ADCY10: variants seen among roughly 807,000 people sequenced by gnomAD.
The protein encoded by ADCY10 is adenylate cyclase 10, also known as adenylate cyclase type 10.
ADCY10 carries 156 observed loss-of-function variants against 183.3 expected under a neutral mutation model. The observed-to-expected ratio is 0.85, with a 90% CI of 0.75 to 0.97. The LOEUF (loss-of-function observed/expected upper bound fraction) is 0.97. Ranked by LOEUF, ADCY10 falls within the 50% of genes least tolerant of loss-of-function variation. The pLI, the probability that ADCY10 is intolerant of heterozygous loss-of-function variation, is 0.00. For synonymous variants in ADCY10, 645 were observed against 670.0 expected (o/e 0.96, Z 0.58); for missense variants, 1,745 against 1,934.3 (o/e 0.90, Z 1.84).
intron 32 of ADCY10, among the ~76,000 whole-genome samples, 155 bp from the exon 33 acceptor site, chr1:167,809,994 C>T (rs1662104071): frequency 1.3e-5 from 2 of 152,238 alleles, no homozygotes; most frequent in Admixed American, 1.3e-4. Context: ...AGGATACTGA[C>T]ACAGCCCTCT....
intron 16 of ADCY10, among the ~76,000 whole-genome samples, 174 bp downstream of exon 16, chr1:167,859,633 A>T (rs1666150380): frequency 2.6e-5 from 4 of 152,210 alleles, no homozygotes; most frequent in African/African-American, 9.7e-5. Context: ...AATTCTAAAC[A>T]GACCTTTTGC....
intron 1 of ADCY10, among the ~76,000 whole-genome samples, chr1:167,910,809 C>T (rs887883794): frequency 2.6e-5 from 4 of 152,172 alleles, no homozygotes; most frequent in African/African-American, 7.2e-5. Flanking sequence ...CTCCTGCCCC[C>T]AGTTCACTGG....
chr1:167,816,500 C>G (rs1662536819), intron 31 of ADCY10, among the ~76,000 whole-genome samples: 1 of 152,028 alleles, frequency 6.6e-6, no homozygotes, highest in South Asian at 2.1e-4. Flanking sequence ...GAGTCAAGAT[C>G]ACGCCACTGC....
At chr1:167,871,882 T>C (rs150230209) in intron 13 of ADCY10, among the ~76,000 whole-genome samples, 1 of 152,228 alleles carries the variant, frequency 6.6e-6, no homozygotes, top group South Asian at 2.1e-4. Context: ...GTGTTTTTCT[T>C]TGGCCTGAAT....
At chr1:167,835,639 A>G (rs1664138312) in intron 23 of ADCY10, among the ~76,000 whole-genome samples, 1 of 152,204 alleles carries the variant, frequency 6.6e-6, no homozygotes, top group Non-Finnish European at 1.5e-5. Context: ...TTGTAATCCT[A>G]GCACTTTGGA....
chr1:167,879,614 C>T (rs184923585), intron 11 of ADCY10, among the ~76,000 whole-genome samples: 11 of 152,172 alleles, frequency 7.2e-5, no homozygotes, highest in African/African-American at 2.4e-4. Flanking sequence ...ACATAACTAT[C>T]GTGGTATTTT....
At chr1:167,898,713 G>T (rs1210449240) in intron 6 of ADCY10, among the ~76,000 whole-genome samples, 1 of 152,080 alleles carries the variant, frequency 6.6e-6, no homozygotes, top group Non-Finnish European at 1.5e-5. Flanking sequence ...GGGTGGTGGT[G>T]GTGAGGGTTG....
In ADCY10 at chr1:167,901,608, G is replaced by C. The variant is rs114988702; in HGVS notation, c.436+54C>G. 5.0e-4 allele frequency: 774 copies of C among 1,556,406 alleles called. 3 individuals carry two copies. In the African/African-American group the frequency reaches 9.5e-3, roughly 19 times the overall value. On this transcript the variant is annotated intron_variant, in intron 5 of 32. Transcript: ENST00000367851. ...TCTTTGGGAGAGAGAGATGCCCCAG[G>C]AGTCAAGACCCTATCCCAGCTGCCG...
rs59361245 is a variant in ADCY10 at position 167,864,895 on chromosome 1, G to GA, written c.1617-3833dup. ...GTAGCAGCAGCTGCTTTGCTAACAG[G>GA]AAAAAAAAAAAAAAAGAGCTGTGGG... On this transcript the variant is annotated intron_variant, in intron 14 of 32. Transcript: ENST00000367851. Among the ~76,000 whole-genome samples, 361 of 129,228 alleles carry GA rather than the reference G, an allele frequency of 2.8e-3. 4 individuals are homozygous for GA. The highest frequency in any genetic ancestry group is 4.7e-3 in the South Asian group (20 of 4,212). The allele number at this position is 129,228 out of a possible 152,430, so 84.8% of individuals were successfully genotyped here. A position where few individuals can be genotyped will look rare whatever the true frequency, so the allele number is the denominator to read the frequency against.
rs1292584829 is a variant in ADCY10, at chr1:167,859,824, T to A, written c.1879A>T (p.Met627Leu). ...KKQKQLEILF[M>L]KILKLIVKEE... ...GCTCTTACCAGCTTCAAGATCTTCA[T>A]AAACAATATTTCCAATTGTTTTTGC... The change falls in exon 16 of 33, where the codon ATG (methionine) becomes TTG (leucine). Residue 627 changes from methionine (M) to leucine (L), a missense_variant. Met to Leu is a conservative substitution (Grantham distance 15). Coordinates refer to ENST00000367851, the MANE Select transcript of ADCY10 (RefSeq NM_018417.6). 2 of 1,613,214 alleles carry A rather than the reference T, an allele frequency of 1.2e-6. No homozygotes were observed. The highest frequency in any genetic ancestry group is 2.7e-5 in the African/African-American group (2 of 74,892).
At chr1:167,881,167 A>G (rs937025969) in intron 9 of ADCY10, among the ~76,000 whole-genome samples, 1 of 152,222 alleles carries the variant, frequency 6.6e-6, no homozygotes, top group Admixed American at 6.5e-5. Context: ...AGATACTGTT[A>G]TTCTTAGGGA....
intron 8 of ADCY10, among the ~76,000 whole-genome samples, chr1:167,892,186 G>A (rs1461300318): frequency 6.6e-6 from 1 of 151,994 alleles, no homozygotes; most frequent in Admixed American, 6.6e-5. Flanking sequence ...TGTCCAGGCT[G>A]GTCTTGAACT....
At chr1:167,809,881 T>C (rs772191858) in intron 32 of ADCY10, 42 bp from the exon 33 acceptor site, 23 of 1,599,416 alleles carry the variant, frequency 1.4e-5, no homozygotes, top group South Asian at 1.1e-5. Context: ...TTAGTGCTTC[T>C]TGACTTTTGT....
At chr1:167,813,448 A>G (rs1273604505) in intron 31 of ADCY10, among the ~76,000 whole-genome samples, 1 of 152,160 alleles carries the variant, frequency 6.6e-6, no homozygotes. Flanking sequence ...ACATTCCCAG[A>G]CAATCAAAAA....
chr1:167,843,592 G>T (rs887617340), intron 21 of ADCY10, among the ~76,000 whole-genome samples: 2 of 151,966 alleles, frequency 1.3e-5, no homozygotes, highest in African/African-American at 4.8e-5. Context: ...ACACCCAAGG[G>T]TCTTGTTACC....
At chr1:167,852,198 T>C (rs906305770) in intron 18 of ADCY10, among the ~76,000 whole-genome samples, 1 of 152,088 alleles carries the variant, frequency 6.6e-6, no homozygotes, top group Non-Finnish European at 1.5e-5. Flanking sequence ...AACCCAGCAT[T>C]TTGGGAGCCC....
At chr1:167,833,232 A>G in intron 24 of ADCY10, 70 bp from the exon 25 acceptor site, 1 of 1,422,366 alleles carries the variant, frequency 7.0e-7, no homozygotes, top group Non-Finnish European at 9.9e-7. Flanking sequence ...GTAGGTCCCA[A>G]CAATCCATAT....
intron 19 of ADCY10, among the ~76,000 whole-genome samples, chr1:167,847,044 G>A (rs1386179663): frequency 6.6e-6 from 1 of 151,894 alleles, no homozygotes; most frequent in Non-Finnish European, 1.5e-5. Context: ...TCCTGCCTCA[G>A]CCTCTTGAGT....
rs528654074 is a variant in ADCY10 at position 167,879,157 on chromosome 1, C to T, written c.1217-522G>A. On this transcript the variant is annotated intron_variant, in intron 11 of 32. Transcript: ENST00000367851. Reference sequence around the variant, plus strand: ...TGAAGGCAGACTGTGCAGGGTTGAACACCAGCTCTACCCCTAACTATGTGC... The same window carrying T: ...TGAAGGCAGACTGTGCAGGGTTGAATACCAGCTCTACCCCTAACTATGTGC... Among the ~76,000 whole-genome samples the T allele has an allele frequency of 5.9e-5, 9 of 152,298 alleles. No homozygotes were observed. The South Asian group carries it at 1.9e-3, about 32-fold the overall frequency.
Sources: allele counts gnomAD v4.1 joint callset (sites outside exome capture counted in the v4.1 genomes callset), GRCh38; gene constraint gnomAD v4.1.1; transcripts MANE v1.5; gene names NCBI Gene and HGNC (gene_info 2026-07-23, HGNC 2026-07-21).